Variants in AFAP1 observed in about 807,000 individuals in gnomAD.
AFAP1 encodes the protein actin filament-associated protein 1.
A neutral mutation model predicts 93.9 loss-of-function variants in AFAP1; 75 were observed. The ratio of observed to expected loss-of-function variants is 0.80; its 90% CI spans 0.66 to 0.97. AFAP1 has a LOEUF of 0.97. Among genes scored for constraint, AFAP1 ranks in the 50% least tolerant of loss-of-function variants. AFAP1 has a pLI of 0.00. For missense variants in AFAP1, 1,201 were observed against 1,050.8 expected (o/e 1.14, Z -1.98); for synonymous variants, 517 against 430.7 (o/e 1.20, Z -2.48).
rs567640908 is a variant in AFAP1 at position 7,886,143 on chromosome 4, T to C, written c.-2-14063A>G. 1.4e-3 allele frequency among the ~76,000 whole-genome samples: 212 copies of C among 152,328 alleles called. 1 individual carries two copies. Among genetic ancestry groups the C allele is most frequent in the African/African-American group, 4.8e-3 (199 of 41,572 alleles). On this transcript the variant is annotated intron_variant, in intron 1 of 17. Coordinates refer to ENST00000420658, the MANE Select transcript of AFAP1 (RefSeq NM_001134647.2). ...AGCTGGACTGCATCTAAAATTCTTT[T>C]TGATGACCATTATTTGAACGACTGG...
intron 1 of AFAP1, among the ~76,000 whole-genome samples, chr4:7,875,934 T>C (rs62289336): frequency 0.33 from 50,675 of 151,620 alleles, 9,527 homozygotes; most frequent in Non-Finnish European, 0.44. Context: ...GTGGGGAGAA[T>C]GTAGGGTTAT....
At chr4:7,818,981 G>A in intron 7 of AFAP1, 95 bp downstream of exon 7, 1 of 1,176,656 alleles carries the variant, frequency 8.5e-7, no homozygotes, top group Non-Finnish European at 1.2e-6. Context: ...TTAACTGGAA[G>A]CGCTGAAATT....
At chr4:7,864,840 C>T (rs1272866638) in intron 3 of AFAP1, among the ~76,000 whole-genome samples, 1 of 152,174 alleles carries the variant, frequency 6.6e-6, no homozygotes, top group East Asian at 1.9e-4. Context: ...AGGCAGGGCA[C>T]AGTGGCTCAT....
intron 2 of AFAP1, among the ~76,000 whole-genome samples, chr4:7,869,254 G>A (rs1461299010): frequency 6.6e-6 from 1 of 151,882 alleles, no homozygotes; most frequent in Non-Finnish European, 1.5e-5. Context: ...AGGGGAAGGG[G>A]TGTAAGAAAT....
intron 2 of AFAP1, among the ~76,000 whole-genome samples, chr4:7,869,217 G>GGAGGGAAGGAGGA (rs926394400): frequency 6.6e-6 from 1 of 151,678 alleles, no homozygotes; most frequent in African/African-American, 2.4e-5. Flanking sequence ...AGGGATGGAT[G>GGAGGGAAGGAGGA]GAGGGAAGGA....
chr4:7,934,696 T>A (rs1577372236), intron 1 of AFAP1, among the ~76,000 whole-genome samples: 1 of 152,104 alleles, frequency 6.6e-6, no homozygotes, highest in Non-Finnish European at 1.5e-5. Flanking sequence ...ACTTCCTGGG[T>A]GCTGGACTGG....
intron 7 of AFAP1, among the ~76,000 whole-genome samples, chr4:7,817,309 A>C (rs1720561422): frequency 6.6e-6 from 1 of 152,342 alleles, no homozygotes; most frequent in East Asian, 1.9e-4. Context: ...ATGGCCAAAA[A>C]AGGACAAAAC....
intron 1 of AFAP1, among the ~76,000 whole-genome samples, chr4:7,923,435 TTTC>T (rs1483974951): frequency 6.6e-6 from 1 of 152,202 alleles, no homozygotes; most frequent in Non-Finnish European, 1.5e-5. Flanking sequence ...GACAGCCACC[TTTC>T]TTCTTTTCCT....
chr4:7,840,559 G>A (rs556389620), intron 5 of AFAP1, among the ~76,000 whole-genome samples: 15 of 152,186 alleles, frequency 9.9e-5, no homozygotes, highest in South Asian at 2.1e-4. Context: ...TGATCCGCCC[G>A]CCTCAGCCTC....
At chr4:7,774,669 C>CA in intron 15 of AFAP1, 70 bp downstream of exon 15, 2 of 1,558,358 alleles carry the variant, frequency 1.3e-6, no homozygotes, top group Non-Finnish European at 1.7e-6. Context: ...GTCCTTTGGG[C>CA]AAAGCAGAAT....
intron 3 of AFAP1, among the ~76,000 whole-genome samples, chr4:7,860,905 A>C (rs1211085077): frequency 6.6e-6 from 1 of 152,150 alleles, no homozygotes; most frequent in African/African-American, 2.4e-5. Context: ...CATGCCTTCC[A>C]CTGCCGCTTG....
intron 9 of AFAP1, among the ~76,000 whole-genome samples, chr4:7,808,146 C>T (rs1042455076): frequency 1.3e-5 from 2 of 152,122 alleles, no homozygotes; most frequent in Admixed American, 6.5e-5. Context: ...CTGAGTGAGC[C>T]GCAATAGTAC....
chr4:7,796,762 AC>A lies in AFAP1; in HGVS notation c.1267-2937del, dbSNP rs1193390010. On this transcript the variant is annotated intron_variant, in intron 10 of 17. Coordinates refer to ENST00000420658, the MANE Select transcript of AFAP1 (RefSeq NM_001134647.2). ...TGAGACTTGTCTCAAAAAAAAAAAA[AC>A]AAAAAAAAACTATGGGTTGGGCACG... Among the ~76,000 whole-genome samples, 403 of 103,518 alleles carry A rather than the reference AC, an allele frequency of 3.9e-3. 10 individuals carry two copies. Among genetic ancestry groups the A allele is most frequent in the Middle Eastern group, 0.014 (2 of 142 alleles). The allele number at this position is 103,518 out of a possible 152,430, so 67.9% of individuals were successfully genotyped here. A position where few individuals can be genotyped will look rare whatever the true frequency, so the allele number is the denominator to read the frequency against.
chr4:7,906,332 A>C (rs978277522), intron 1 of AFAP1, among the ~76,000 whole-genome samples: 5 of 152,218 alleles, frequency 3.3e-5, no homozygotes, highest in Non-Finnish European at 7.3e-5. Flanking sequence ...TGAGGGAATA[A>C]AATCAGATAA....
At chr4:7,799,062 G>A in intron 10 of AFAP1, 4 of 986,020 alleles carry the variant, frequency 4.1e-6, no homozygotes, top group Non-Finnish European at 4.8e-6. Context: ...CTACATAAAT[G>A]TTTACAAGGT....
chr4:7,931,884 G>A lies in AFAP1; in HGVS notation c.-3+7772C>T, dbSNP rs181544712. ...GGTTTCTTTTTCTTTTTTTTGAGAC[G>A]GAGTCTCACTTTGTCGCCCAGGCTG... On this transcript the variant is annotated intron_variant, in intron 1 of 17. Coordinates refer to ENST00000420658, the MANE Select transcript of AFAP1 (RefSeq NM_001134647.2). Among the ~76,000 whole-genome samples, 210 of 151,338 alleles carry A rather than the reference G, an allele frequency of 1.4e-3. 3 individuals carry two copies. Among genetic ancestry groups the A allele is most frequent in the African/African-American group, 4.9e-3 (202 of 41,206 alleles).
intron 3 of AFAP1, among the ~76,000 whole-genome samples, chr4:7,867,057 A>AGAGGG (rs1716480756): frequency 1.7e-5 from 2 of 118,322 alleles, no homozygotes; most frequent in Non-Finnish European, 1.7e-5. Flanking sequence ...GAAAGATGAA[A>AGAGGG]GAGGGGAGGG....
chr4:7,786,236 C>T lies in AFAP1; in HGVS notation c.1488G>A (p.Gly496=). The T allele has an allele frequency of 1.9e-6, 3 of 1,614,150 alleles. No individual in the cohort carries two copies. Among genetic ancestry groups the T allele is most frequent in the East Asian group, 2.2e-5 (1 of 44,884 alleles). ...GTSNGYAHPS[G]TALHYDDVPC... is the part of the protein sequence containing the mutation. ...GGACATCGTCATAATGAAGTGCCGTCCCGCTGGGGTGGGCATAGCCGTTGG... is the reference window on the plus strand; with the variant it reads ...GGACATCGTCATAATGAAGTGCCGTTCCGCTGGGGTGGGCATAGCCGTTGG... The change falls in exon 12 of 18, where the codon GGG becomes GGA. Residue 496 remains glycine (G), a synonymous_variant. Transcript: ENST00000420658.
intron 17 of AFAP1, among the ~76,000 whole-genome samples, chr4:7,763,999 C>A (rs1166571339): frequency 6.6e-6 from 1 of 152,210 alleles, no homozygotes; most frequent in Non-Finnish European, 1.5e-5. Flanking sequence ...ATACCACACA[C>A]CCCGTTCACA....
Sources: allele counts gnomAD v4.1 joint callset (sites outside exome capture counted in the v4.1 genomes callset), GRCh38; gene constraint gnomAD v4.1.1; transcripts MANE v1.5; gene names NCBI Gene and HGNC (gene_info 2026-07-23, HGNC 2026-07-21).